Variants in NSRP1 observed in about 807,000 individuals in gnomAD.
The protein encoded by NSRP1 is coiled-coil domain containing 55.
A neutral mutation model predicts 54.7 loss-of-function variants in NSRP1; 24 were observed. The ratio of observed to expected loss-of-function variants is 0.44; its 90% CI spans 0.32 to 0.62. The LOEUF (loss-of-function observed/expected upper bound fraction) is 0.62. NSRP1 is among the 20% of genes least tolerant of loss of function. The pLI, the probability that NSRP1 is intolerant of heterozygous loss-of-function variation, is 0.06. For missense variants in NSRP1, 596 were observed against 651.2 expected (o/e 0.92, Z 0.92); for synonymous variants, 210 against 213.8 (o/e 0.98, Z 0.15).
rs893376428 is a variant in NSRP1, at chr17:30,179,311, G to A, written c.508+14G>A. On this transcript the variant is annotated intron_variant, in intron 5 of 6. Transcript: ENST00000247026. Reference sequence around the variant, plus strand: ...CTGCACTGGAAGGTAAAATGAAAGAGTGGGAAAGGCACAAGGAAACAGTAG... The same window carrying A: ...CTGCACTGGAAGGTAAAATGAAAGAATGGGAAAGGCACAAGGAAACAGTAG... 2 of 1,559,124 alleles carry A rather than the reference G, an allele frequency of 1.3e-6. No individual in the cohort carries two copies. Among genetic ancestry groups the A allele is most frequent in the African/African-American group, 1.4e-5 (1 of 72,372 alleles).
intron 6 of NSRP1, among the ~76,000 whole-genome samples, chr17:30,182,381 C>T (rs1340832463): frequency 1.3e-5 from 2 of 152,264 alleles, no homozygotes; most frequent in African/African-American, 2.4e-5. Context: ...CAGTGACTCA[C>T]GCCTGTTATC....
chr17:30,171,336 G>C (rs60504291), intron 2 of NSRP1, among the ~76,000 whole-genome samples: 11,977 of 142,978 alleles, frequency 0.084, 1,608 homozygotes, highest in African/African-American at 0.29. Flanking sequence ...GACAGAGCCT[G>C]GTTCTGTTGC....
intron 2 of NSRP1, among the ~76,000 whole-genome samples, chr17:30,159,851 G>A (rs1904446467): frequency 6.6e-6 from 1 of 151,904 alleles, no homozygotes; most frequent in Non-Finnish European, 1.5e-5. Flanking sequence ...TAGTAGAGAT[G>A]GCGTTTCACC....
intron 3 of NSRP1, among the ~76,000 whole-genome samples, chr17:30,176,008 C>CA (rs1491473908): frequency 2.0e-5 from 3 of 150,850 alleles, no homozygotes; most frequent in Non-Finnish European, 3.0e-5. Flanking sequence ...GAACCCCCCC[C>CA]CCAAAAAAAA....
At chr17:30,143,459 C>T (rs2071824468) in intron 2 of NSRP1, among the ~76,000 whole-genome samples, 1 of 152,028 alleles carries the variant, frequency 6.6e-6, no homozygotes, top group Non-Finnish European at 1.5e-5. Context: ...GCACACCTGA[C>T]TTGGTCATTG....
At chr17:30,132,523 C>A (rs2071710299) in intron 2 of NSRP1, among the ~76,000 whole-genome samples, 1 of 152,180 alleles carries the variant, frequency 6.6e-6, no homozygotes, top group African/African-American at 2.4e-5. Flanking sequence ...CACTGCACTC[C>A]AGCTTGGGCG....
At chr17:30,138,635 C>T (rs183805154) in intron 2 of NSRP1, among the ~76,000 whole-genome samples, 12 of 152,068 alleles carry the variant, frequency 7.9e-5, no homozygotes, top group African/African-American at 2.4e-4. Context: ...TGGTTGGATC[C>T]ACATAGATGG....
At chr17:30,124,561 G>A (rs1597593188) in intron 2 of NSRP1, among the ~76,000 whole-genome samples, 1 of 152,200 alleles carries the variant, frequency 6.6e-6, no homozygotes, top group Non-Finnish European at 1.5e-5. Context: ...TGCCAAAAAG[G>A]GCATGATGAG....
At chr17:30,136,584 C>T (rs545348916) in intron 2 of NSRP1, among the ~76,000 whole-genome samples, 5 of 152,240 alleles carry the variant, frequency 3.3e-5, no homozygotes, top group East Asian at 1.9e-4. Context: ...ACTTTTCATA[C>T]AGAACATCAT....
intron 2 of NSRP1, among the ~76,000 whole-genome samples, chr17:30,128,812 G>A (rs956904169): frequency 6.6e-6 from 1 of 151,848 alleles, no homozygotes. Flanking sequence ...ATAACATTTA[G>A]TGAAAAAATA....
At chr17:30,174,979 A>C (rs1022410133) in intron 3 of NSRP1, among the ~76,000 whole-genome samples, 5 of 152,212 alleles carry the variant, frequency 3.3e-5, no homozygotes, top group African/African-American at 1.2e-4. Flanking sequence ...AGATTGAAAA[A>C]GTCTGATAAT....
chr17:30,172,590 A>G lies in NSRP1; in HGVS notation c.163A>G (p.Met55Val), dbSNP rs755634789. Reference protein sequence around the residue: ...LQREAAKKQAMKQTKLEIQKA... With the variant: ...LQREAAKKQAVKQTKLEIQKA... ...GAGGGAAGCTGCTAAGAAGCAGGCC[A>G]TGAAACAGGTAAGGTAGAAGACTGG... Residue 55 changes from methionine to valine, a missense_variant, in exon 3 of 7, where the codon ATG becomes GTG. By Grantham distance (21) the Met-to-Val change is conservative. Transcript: ENST00000247026. 1.9e-5 allele frequency: 30 copies of G among 1,610,782 alleles called. No individual in the cohort carries two copies. The highest frequency in any genetic ancestry group is 2.2e-5 in the East Asian group (1 of 44,750).
chr17:30,137,179 C>G (rs1326648693), intron 2 of NSRP1, among the ~76,000 whole-genome samples: 1 of 152,142 alleles, frequency 6.6e-6, no homozygotes, highest in East Asian at 1.9e-4. Flanking sequence ...ATGCTAGGTT[C>G]ATGGTAAATA....
At chr17:30,144,321 C>A (rs1360617192) in intron 2 of NSRP1, among the ~76,000 whole-genome samples, 1 of 150,014 alleles carries the variant, frequency 6.7e-6, no homozygotes, top group Admixed American at 6.7e-5. Flanking sequence ...AGTGGAGTGG[C>A]ACAATCTTGG....
intron 3 of NSRP1, among the ~76,000 whole-genome samples, chr17:30,174,190 A>G (rs1357221186): frequency 1.3e-5 from 2 of 152,060 alleles, no homozygotes; most frequent in African/African-American, 2.4e-5. Flanking sequence ...TGAATCCCAA[A>G]TCTGATTTTA....
chr17:30,170,931 T>C (rs922049205), intron 2 of NSRP1, among the ~76,000 whole-genome samples: 2 of 152,232 alleles, frequency 1.3e-5, no homozygotes, highest in African/African-American at 4.8e-5. Flanking sequence ...GCACCCATGC[T>C]AACCTTTATT....
rs1273718138 is a variant in NSRP1 at position 30,173,926 on chromosome 17, T to C, written c.171+1328T>C. Among the ~76,000 whole-genome samples, 94 of 152,298 alleles carry C rather than the reference T, an allele frequency of 6.2e-4. 1 individual carries two copies. Among genetic ancestry groups the C allele is most frequent in the Non-Finnish European group, 2.9e-5 (2 of 68,022 alleles). On this transcript the variant is annotated intron_variant, in intron 3 of 6. Coordinates refer to ENST00000247026, the MANE Select transcript of NSRP1 (RefSeq NM_032141.4). ...ATAATGTCAGAGTTTCACAGTGAAA[T>C]ATAATGTGTAACTCAGCAGCCTCAG...
At chr17:30,127,941 C>G (rs2071665370) in intron 2 of NSRP1, 1 of 397,764 alleles carries the variant, frequency 2.5e-6, no homozygotes, top group Admixed American at 4.4e-5. Flanking sequence ...CCGAAGCACG[C>G]CTCTCACCTC....
At chr17:30,119,512 CTT>C (rs1567787414) in intron 2 of NSRP1, among the ~76,000 whole-genome samples, 1 of 151,228 alleles carries the variant, frequency 6.6e-6, no homozygotes, top group Non-Finnish European at 1.5e-5. Context: ...TGCCCAGCCT[CTT>C]TTTTTTGAGA....
Sources: gnomAD v4.1 joint callset for allele counts (sites outside exome capture counted in the v4.1 genomes callset) on GRCh38, gnomAD v4.1.1 for gene constraint, MANE v1.5 for transcripts, NCBI Gene and HGNC (gene_info 2026-07-23, HGNC 2026-07-21) for gene names.